Variants in ENOX1 observed in about 807,000 individuals in gnomAD.
ENOX1 encodes the protein ecto-NOX disulfide-thiol exchanger 1.
Under a neutral mutation model 82.5 loss-of-function variants are expected in ENOX1, and 42 were observed. The observed-to-expected ratio is 0.51, with a 90% CI of 0.40 to 0.66. The LOEUF (loss-of-function observed/expected upper bound fraction) is 0.66. ENOX1 is among the 30% of genes least tolerant of loss of function. The pLI is 0.00. For synonymous variants in ENOX1, 271 were observed against 282.2 expected (o/e 0.96, Z 0.40); for missense variants, 608 against 811.6 (o/e 0.75, Z 3.05).
At chr13:43,222,963 T>C (rs2041864501) in intron 16 of ENOX1, among the ~76,000 whole-genome samples, 1 of 152,206 alleles carries the variant, frequency 6.6e-6, no homozygotes, top group Non-Finnish European at 1.5e-5. Flanking sequence ...TACCCTGTCA[T>C]GAAAGGCATG....
At chr13:43,504,123 C>G (rs1328961171) in intron 2 of ENOX1, among the ~76,000 whole-genome samples, 1 of 151,554 alleles carries the variant, frequency 6.6e-6, no homozygotes, top group African/African-American at 2.4e-5. Flanking sequence ...CAAATCAAAA[C>G]TGAGATACCA....
chr13:43,461,429 A>G (rs967891033), intron 3 of ENOX1, among the ~76,000 whole-genome samples: 1 of 152,236 alleles, frequency 6.6e-6, no homozygotes, highest in African/African-American at 2.4e-5. Flanking sequence ...CTGAACATCA[A>G]TCACCACCAT....
chr13:43,213,890 G>T lies in ENOX1; in HGVS notation c.*100C>A, dbSNP rs143967700. ...AGGCAGGCTTCGATGGCTCCACAAA[G>T]GTTGCGTGCTGGACCAACCCCACAC... On this transcript the variant is annotated 3_prime_UTR_variant, in exon 17 of 17. Coordinates refer to ENST00000690772, the MANE Select transcript of ENOX1 (RefSeq NM_001347969.2). 19 of 1,363,936 alleles carry T rather than the reference G, an allele frequency of 1.4e-5. No homozygotes were observed. The African/African-American group carries it at 1.5e-4, about 10-fold the overall frequency. 84.5% of individuals were successfully genotyped at this position (1,363,936 alleles called of 1,614,324 possible).
intron 1 of ENOX1, among the ~76,000 whole-genome samples, chr13:43,686,198 A>G (rs556084415): frequency 7.2e-5 from 11 of 152,302 alleles, no homozygotes; most frequent in African/African-American, 2.6e-4. Context: ...AATCCTCATG[A>G]TAATATCTTG....
At position 43,313,816 on chromosome 13, in the gene ENOX1, C is replaced by A. The variant is rs568513402; in HGVS notation, c.1261+8568G>T. On this transcript the variant is annotated intron_variant, in intron 11 of 16. Coordinates refer to ENST00000690772, the MANE Select transcript of ENOX1 (RefSeq NM_001347969.2). ...AACCATGGTTTCTTTCAAGACTGCT[C>A]ATGGATATACATTAATTAATCAATA... Among the ~76,000 whole-genome samples the A allele has an allele frequency of 1.4e-4, 22 of 152,224 alleles. No homozygotes were observed. The East Asian group carries it at 3.1e-3, about 21-fold the overall frequency.
chr13:43,366,698 T>TATATCA (rs1224690103), intron 5 of ENOX1, among the ~76,000 whole-genome samples: 1 of 152,170 alleles, frequency 6.6e-6, no homozygotes, highest in Non-Finnish European at 1.5e-5. Context: ...GTGAAGGCAG[T>TATATCA]ATATCAAAGT....
chr13:43,570,193 G>T (rs917651804), intron 2 of ENOX1, among the ~76,000 whole-genome samples: 2 of 152,152 alleles, frequency 1.3e-5, no homozygotes, highest in Admixed American at 1.3e-4. Context: ...TGTTTCATTT[G>T]GAGATAGTCA....
At chr13:43,770,164 G>T (rs9590787) in intron 1 of ENOX1, among the ~76,000 whole-genome samples, 1 of 152,124 alleles carries the variant, frequency 6.6e-6, no homozygotes, top group East Asian at 1.9e-4. Context: ...AGGCATTTCC[G>T]CTTCTTCTTT....
chr13:43,493,677 T>C (rs2153663429), intron 2 of ENOX1, among the ~76,000 whole-genome samples: 1 of 152,318 alleles, frequency 6.6e-6, no homozygotes, highest in South Asian at 2.1e-4. Context: ...CAGATTCCCC[T>C]GGGGGCAGGC....
At chr13:43,302,618 C>G (rs527284386) in intron 11 of ENOX1, among the ~76,000 whole-genome samples, 1 of 152,020 alleles carries the variant, frequency 6.6e-6, no homozygotes, top group Non-Finnish European at 1.5e-5. Context: ...AAAGGTTGAA[C>G]GGCACTGCTG....
chr13:43,772,342 G>C (rs527240005), intron 1 of ENOX1, among the ~76,000 whole-genome samples: 1 of 152,194 alleles, frequency 6.6e-6, no homozygotes, highest in Admixed American at 6.5e-5. Flanking sequence ...TCAAGTTAAA[G>C]ATGCTTCCCC....
At chr13:43,629,055 G>A (rs2083092805) in intron 2 of ENOX1, among the ~76,000 whole-genome samples, 1 of 152,166 alleles carries the variant, frequency 6.6e-6, no homozygotes, top group South Asian at 2.1e-4. Flanking sequence ...ATCTGATACT[G>A]CAGCATGAAT....
At chr13:43,304,053 GAC>G in intron 11 of ENOX1, among the ~76,000 whole-genome samples, 1 of 152,278 alleles carries the variant, frequency 6.6e-6, no homozygotes, top group South Asian at 2.1e-4. Context: ...TATGAGCCCC[GAC>G]TCCATGTTCT....
chr13:43,293,644 A>T (rs1338391742), intron 12 of ENOX1, among the ~76,000 whole-genome samples: 1 of 151,996 alleles, frequency 6.6e-6, no homozygotes, highest in Admixed American at 6.6e-5. Context: ...CTCTTTCTCT[A>T]AAAAAAACGT....
chr13:43,423,774 T>C (rs1476970865), intron 3 of ENOX1, among the ~76,000 whole-genome samples: 1 of 152,210 alleles, frequency 6.6e-6, no homozygotes, highest in Non-Finnish European at 1.5e-5. Context: ...TAGCCACAGA[T>C]AAATTTATGA....
chr13:43,460,008 G>A (rs1230389227), intron 3 of ENOX1, among the ~76,000 whole-genome samples: 1 of 151,818 alleles, frequency 6.6e-6, no homozygotes, highest in Non-Finnish European at 1.5e-5. Context: ...AACAAACAAC[G>A]ACAACAACAA....
At chr13:43,725,402 A>T (rs2088871239) in intron 1 of ENOX1, among the ~76,000 whole-genome samples, 1 of 152,062 alleles carries the variant, frequency 6.6e-6, no homozygotes, top group Non-Finnish European at 1.5e-5. Context: ...TACAGGCCTC[A>T]GAGCTCACCA....
At chr13:43,334,645 A>G (rs2048597285) in intron 9 of ENOX1, among the ~76,000 whole-genome samples, 1 of 152,146 alleles carries the variant, frequency 6.6e-6, no homozygotes, top group Admixed American at 6.5e-5. Flanking sequence ...GTTATGATGG[A>G]GCAGGAAGCT....
At position 43,365,122 on chromosome 13, in the gene ENOX1, CTCTT is replaced by C. The variant is rs543133771; in HGVS notation, c.209-3674_209-3671del. On this transcript the variant is annotated intron_variant, in intron 5 of 16. Transcript: ENST00000690772. ...TGGGCCGCCCTTCCTCACTTCTTCT[CTCTT>C]TGTCTGCTGCCCGCTAGCCATGCCT... 1.8e-3 allele frequency among the ~76,000 whole-genome samples: 278 copies of C among 152,336 alleles called. 1 individual carries two copies. Among genetic ancestry groups the C allele is most frequent in the African/African-American group, 6.3e-3 (262 of 41,580 alleles).
Sources: allele counts gnomAD v4.1 joint callset (sites outside exome capture counted in the v4.1 genomes callset), GRCh38; gene constraint gnomAD v4.1.1; transcripts MANE v1.5; gene names NCBI Gene and HGNC (gene_info 2026-07-23, HGNC 2026-07-21).